Variants in MAOA observed in about 807,000 individuals in gnomAD.
The protein encoded by MAOA is monoamine oxidase A.
Under a neutral mutation model 42.0 loss-of-function variants are expected in MAOA, and 6 were observed. That is an observed-to-expected ratio of 0.14 (90% CI 0.08 to 0.28). MAOA has a LOEUF of 0.28. Among genes scored for constraint, MAOA ranks in the 10% least tolerant of loss-of-function variants. The pLI, the probability that MAOA is intolerant of heterozygous loss-of-function variation, is 1.00. For synonymous variants in MAOA, 140 were observed against 154.0 expected (o/e 0.91, Z 0.67); for missense variants, 262 against 422.3 (o/e 0.62, Z 3.33).
chrX:43,739,613 A>G (rs1181620549), intron 10 of MAOA, among the ~76,000 whole-genome samples: 2 of 112,096 alleles, frequency 1.8e-5, no homozygotes, highest in African/African-American at 3.2e-5. Context: ...CTTTATTACC[A>G]GTAAGCTTGA....
chrX:43,716,633 G>T (rs2033746165), intron 5 of MAOA, among the ~76,000 whole-genome samples: 1 of 110,795 alleles, frequency 9.0e-6, no homozygotes, highest in Non-Finnish European at 1.9e-5. Context: ...ACAGTGGTGG[G>T]GGTGGGAGAC....
At chrX:43,715,148 G>C (rs1243347823) in intron 5 of MAOA, among the ~76,000 whole-genome samples, 5 of 98,384 alleles carry the variant, frequency 5.1e-5, no homozygotes, top group Non-Finnish European at 2.1e-5. Context: ...AATTTTCCAG[G>C]AATGGTCCAC....
At chrX:43,721,883 C>A in intron 5 of MAOA, among the ~76,000 whole-genome samples, 3 of 110,464 alleles carry the variant, frequency 2.7e-5, no homozygotes, top group Middle Eastern at 9.2e-3. Context: ...TGTTCCCCTC[C>A]CTGTGTCCAT....
chrX:43,742,548 C>T (rs1197104513), intron 12 of MAOA, among the ~76,000 whole-genome samples: 2 of 112,618 alleles, frequency 1.8e-5, no homozygotes, highest in African/African-American at 6.5e-5. Flanking sequence ...CTAGAAGCCC[C>T]TTGCTCCATG....
chrX:43,665,312 G>A (rs962741231), intron 1 of MAOA, among the ~76,000 whole-genome samples: 14 of 111,478 alleles, frequency 1.3e-4, no homozygotes, highest in African/African-American at 3.9e-4. Flanking sequence ...AGGACCATAT[G>A]CCAGTGTGCA....
At chrX:43,742,154 T>C in intron 12 of MAOA, 107 bp downstream of exon 12, 1 of 1,129,238 alleles carries the variant, frequency 8.9e-7, no homozygotes, top group South Asian at 1.9e-5. Flanking sequence ...TCCCCATTTC[T>C]TATGTCCTAG....
intron 3 of MAOA, 61 bp from the exon 4 acceptor site, chrX:43,711,811 A>G (rs1048498898): frequency 2.2e-6 from 2 of 916,082 alleles, no homozygotes; most frequent in Admixed American, 2.2e-5. Flanking sequence ...TTGTTTTAGA[A>G]CACCATTCAA....
At chrX:43,690,306 T>A (rs1347535568) in intron 2 of MAOA, among the ~76,000 whole-genome samples, 1 of 110,750 alleles carries the variant, frequency 9.0e-6, no homozygotes, top group East Asian at 2.8e-4. Context: ...CTATGTCAAA[T>A]ATATGGTTTA....
chrX:43,716,223 A>G (rs2033742949), intron 5 of MAOA, among the ~76,000 whole-genome samples: 1 of 111,283 alleles, frequency 9.0e-6, no homozygotes, highest in South Asian at 3.8e-4. Context: ...GGAATGAGCC[A>G]CCGAGGTTGG....
chrX:43,676,335 G>A (rs1047670410), intron 1 of MAOA, among the ~76,000 whole-genome samples: 8 of 111,717 alleles, frequency 7.2e-5, no homozygotes, highest in African/African-American at 2.6e-4. Flanking sequence ...CGATTTTCCA[G>A]GTGCCGTCTG....
chrX:43,704,251 A>G (rs1234087522), intron 3 of MAOA, among the ~76,000 whole-genome samples: 1 of 111,382 alleles, frequency 9.0e-6, no homozygotes, highest in Non-Finnish European at 1.9e-5. Flanking sequence ...ATACTAGCAA[A>G]CTGAATCTAG....
intron 1 of MAOA, among the ~76,000 whole-genome samples, chrX:43,670,553 C>T (rs1438474693): frequency 1.9e-4 from 19 of 101,712 alleles, no homozygotes; most frequent in Non-Finnish European, 2.6e-4. Context: ...CCCATTAACT[C>T]GTCATTTAGC....
chrX:43,696,046 G>C (rs1482883088), intron 3 of MAOA, among the ~76,000 whole-genome samples: 1 of 112,032 alleles, frequency 8.9e-6, no homozygotes, highest in East Asian at 2.8e-4. Flanking sequence ...AGATGTAATT[G>C]TTCTGTACTT....
chrX:43,667,293 C>T (rs2033290705), intron 1 of MAOA, among the ~76,000 whole-genome samples: 1 of 111,135 alleles, frequency 9.0e-6, no homozygotes, highest in Non-Finnish European at 1.9e-5. Context: ...TTCCTAATCA[C>T]TTAATCGTAA....
At chrX:43,696,889 G>A (rs1458523504) in intron 3 of MAOA, among the ~76,000 whole-genome samples, 5 of 112,657 alleles carry the variant, frequency 4.4e-5, no homozygotes, top group African/African-American at 1.6e-4. Context: ...CACGTGGCAG[G>A]TGTGTGCTAA....
chrX:43,730,634 G>A (rs1480487402), intron 6 of MAOA, among the ~76,000 whole-genome samples: 2 of 109,056 alleles, frequency 1.8e-5, no homozygotes, highest in Non-Finnish European at 3.8e-5. Flanking sequence ...TGGGATTACA[G>A]GCACGTGCCA....
At chrX:43,699,982 A>G (rs967462341) in intron 3 of MAOA, among the ~76,000 whole-genome samples, 2 of 112,585 alleles carry the variant, frequency 1.8e-5, no homozygotes, top group African/African-American at 3.2e-5. Flanking sequence ...TTTATCTTCA[A>G]AGAAAGATAC....
At chrX:43,675,417 G>A (rs1002151115) in intron 1 of MAOA, among the ~76,000 whole-genome samples, 1 of 111,809 alleles carries the variant, frequency 8.9e-6, no homozygotes, top group East Asian at 2.8e-4. Context: ...TAGTTTGATC[G>A]TCCGAAGCCT....
At chrX:43,682,138 C>T (rs969552352) in intron 1 of MAOA, among the ~76,000 whole-genome samples, 9 of 111,366 alleles carry the variant, frequency 8.1e-5, no homozygotes, top group Non-Finnish European at 1.1e-4. Flanking sequence ...GCCTTGGCCT[C>T]CCAAAGTGCT....
Sources: allele counts gnomAD v4.1 joint callset (sites outside exome capture counted in the v4.1 genomes callset), GRCh38; gene constraint gnomAD v4.1.1; transcripts MANE v1.5; gene names NCBI Gene and HGNC (gene_info 2026-07-23, HGNC 2026-07-21).